The following PTGIS variants were observed in gnomAD, a reference collection of about 807,000 sequenced individuals.
PTGIS encodes the protein prostaglandin I2 synthase.
A neutral mutation model predicts 50.3 loss-of-function variants in PTGIS; 45 were observed. The observed-to-expected ratio is 0.90, with a 90% CI of 0.70 to 1.15. PTGIS has a LOEUF of 1.15. PTGIS is among the 50% of genes most tolerant of loss of function. The probability of loss-of-function intolerance (pLI) is 0.00; values close to 1 mark genes in which losing one functional copy is unlikely to be tolerated. For missense variants in PTGIS, 668 were observed against 661.3 expected, an observed-to-expected ratio of 1.01 and a Z score of -0.11; for synonymous variants, 260 against 267.7, an observed-to-expected ratio of 0.97 and a Z score of 0.28.
At chr20:49,567,499 G>C (rs1373582974) in intron 1 of PTGIS, among the ~76,000 whole-genome samples, 2 of 152,084 alleles carry the variant, frequency 1.3e-5, no homozygotes, top group African/African-American at 4.8e-5. Context: ...GCATGATCAA[G>C]ACATCCCCCA....
At chr20:49,542,568 T>C (rs2122880737) in intron 4 of PTGIS, among the ~76,000 whole-genome samples, 1 of 152,350 alleles carries the variant, frequency 6.6e-6, no homozygotes, top group Non-Finnish European at 1.5e-5. Context: ...CTGACTTCTT[T>C]GTCTGCACAG....
At chr20:49,559,263 A>G (rs1227939267) in intron 1 of PTGIS, among the ~76,000 whole-genome samples, 1 of 152,200 alleles carries the variant, frequency 6.6e-6, no homozygotes, top group Non-Finnish European at 1.5e-5. Flanking sequence ...GTGGTAGAAG[A>G]GCACACCTCT....
chr20:49,546,061 C>T (rs1047401833), intron 3 of PTGIS, among the ~76,000 whole-genome samples: 10 of 152,260 alleles, frequency 6.6e-5, no homozygotes, highest in Middle Eastern at 3.4e-3. Flanking sequence ...GGGTTCCGCA[C>T]GGTGCCTGGC....
At chr20:49,550,402 T>C (rs1233268856) in intron 1 of PTGIS, among the ~76,000 whole-genome samples, 1 of 152,276 alleles carries the variant, frequency 6.6e-6, no homozygotes, top group East Asian at 1.9e-4. Context: ...CCCCTTTAAA[T>C]ACTGAAACCC....
At chr20:49,547,540 G>A (rs1420093427) in intron 3 of PTGIS, among the ~76,000 whole-genome samples, 2 of 152,022 alleles carry the variant, frequency 1.3e-5, no homozygotes, top group African/African-American at 2.4e-5. Flanking sequence ...TGATGGGGCT[G>A]GGATTTGAAT....
intron 2 of PTGIS, 40 bp from the exon 3 acceptor site, chr20:49,548,059 G>A: frequency 6.3e-7 from 1 of 1,584,710 alleles, no homozygotes; most frequent in Non-Finnish European, 8.7e-7. Context: ...GAGTGTCACT[G>A]TGAACAGCAG....
intron 1 of PTGIS, among the ~76,000 whole-genome samples, chr20:49,557,831 T>C (rs1025290785): frequency 6.6e-6 from 1 of 152,186 alleles, no homozygotes; most frequent in Non-Finnish European, 1.5e-5. Flanking sequence ...CATCATTGAC[T>C]ATCGCCCTAC....
rs542129017 is a variant in PTGIS at position 49,512,199 on chromosome 20, G to A, written c.1206+881C>T. ...TGGGTGGATGGATAGATTAATGGATGGGTAGATGGGTGAGTATGTGGATGG... is the reference window on the plus strand; with the variant it reads ...TGGGTGGATGGATAGATTAATGGATAGGTAGATGGGTGAGTATGTGGATGG... On this transcript the variant is annotated intron_variant, in intron 8 of 9. Transcript: ENST00000244043. 3.0e-4 allele frequency among the ~76,000 whole-genome samples: 45 copies of A among 151,942 alleles called. No individual in the cohort carries two copies. In the South Asian group the frequency reaches 9.4e-3, roughly 32 times the overall value.
intron 1 of PTGIS, among the ~76,000 whole-genome samples, chr20:49,551,558 G>A (rs2122892024): frequency 6.6e-6 from 1 of 152,308 alleles, no homozygotes; most frequent in Admixed American, 6.5e-5. Flanking sequence ...TATTGTCAAT[G>A]TATTTGATTG....
chr20:49,522,124 G>A (rs1047070706), intron 6 of PTGIS, among the ~76,000 whole-genome samples: 3 of 151,786 alleles, frequency 2.0e-5, no homozygotes, highest in Admixed American at 6.6e-5. Context: ...CTCTTCCCTC[G>A]GTCTCACGCC....
chr20:49,544,162 T>C, intron 4 of PTGIS, 143 bp downstream of exon 4: 1 of 1,109,226 alleles, frequency 9.0e-7, no homozygotes, highest in Non-Finnish European at 1.3e-6. Flanking sequence ...GTGCATGGCG[T>C]CTTTCCTACA....
At chr20:49,565,397 G>A (rs895913291) in intron 1 of PTGIS, among the ~76,000 whole-genome samples, 3 of 152,206 alleles carry the variant, frequency 2.0e-5, no homozygotes, top group African/African-American at 7.2e-5. Flanking sequence ...AGCCAGGCGT[G>A]GTGGTTCACA....
At chr20:49,520,214 A>G (rs920290975) in intron 6 of PTGIS, among the ~76,000 whole-genome samples, 27 of 152,150 alleles carry the variant, frequency 1.8e-4, no homozygotes, top group African/African-American at 6.3e-4. Flanking sequence ...TTCATTCTAT[A>G]TATTTACATG....
At chr20:49,512,942 C>T in intron 8 of PTGIS, 138 bp downstream of exon 8, 2 of 1,031,164 alleles carry the variant, frequency 1.9e-6, no homozygotes, top group Middle Eastern at 2.2e-4. Context: ...GAAGCAAACA[C>T]AGAGAGGTGA....
chr20:49,507,696 A>G lies in PTGIS; in HGVS notation c.*224T>C. ...GGAGCAGACAAAGCCTGATTTTGGA[A>G]AGAAAACTTTGCAGTGGATAATCCA... On this transcript the variant is annotated 3_prime_UTR_variant, in exon 10 of 10. Coordinates refer to ENST00000244043, the MANE Select transcript of PTGIS (RefSeq NM_000961.4). The G allele has an allele frequency of 3.2e-6, 2 of 629,218 alleles. No homozygotes were observed. The highest frequency in any genetic ancestry group is 5.5e-6 in the Non-Finnish European group (2 of 364,792). The allele number at this position is 629,218 out of a possible 1,614,324, so 39.0% of individuals were successfully genotyped here. A position where few individuals can be genotyped will look rare whatever the true frequency, so the allele number is the denominator to read the frequency against.
At position 49,515,500 on chromosome 20, in the gene PTGIS, G is replaced by A. The variant is rs372119678; in HGVS notation, c.856-1105C>T. On this transcript the variant is annotated intron_variant, in intron 6 of 9. Coordinates refer to ENST00000244043, the MANE Select transcript of PTGIS (RefSeq NM_000961.4). ...ATTTGGGGGAAGGTTTTTGTCTGCCGTGACTATTCTATTCAATCATAATAA... is the reference window on the plus strand; with the variant it reads ...ATTTGGGGGAAGGTTTTTGTCTGCCATGACTATTCTATTCAATCATAATAA... Among the ~76,000 whole-genome samples the A allele has an allele frequency of 1.0e-3, 158 of 152,280 alleles. 1 individual carries two copies. Among genetic ancestry groups the A allele is most frequent in the African/African-American group, 3.1e-3 (129 of 41,550 alleles).
intron 1 of PTGIS, among the ~76,000 whole-genome samples, chr20:49,562,983 C>T (rs916351522): frequency 1.3e-5 from 2 of 152,164 alleles, no homozygotes; most frequent in Non-Finnish European, 2.9e-5. Flanking sequence ...ATGGGCAGCA[C>T]CTGCCTCCCA....
chr20:49,528,868 G>A (rs949753451), intron 5 of PTGIS, among the ~76,000 whole-genome samples: 1 of 152,176 alleles, frequency 6.6e-6, no homozygotes, highest in African/African-American at 2.4e-5. Flanking sequence ...AACTCTAGAA[G>A]GATCCATTTG....
At chr20:49,514,161 G>T in intron 7 of PTGIS, 66 bp downstream of exon 7, 1 of 1,587,074 alleles carries the variant, frequency 6.3e-7, no homozygotes, top group Non-Finnish European at 8.6e-7. Context: ...TCCATGTTGG[G>T]GAGGGCTTTG....
Sources: gnomAD v4.1 joint callset for allele counts (sites outside exome capture counted in the v4.1 genomes callset) on GRCh38, gnomAD v4.1.1 for gene constraint, MANE v1.5 for transcripts, NCBI Gene and HGNC (gene_info 2026-07-23, HGNC 2026-07-21) for gene names.